LRP1B: variants seen among roughly 807,000 people sequenced by gnomAD.
LRP1B encodes the protein low-density lipoprotein receptor-related protein 1B.
A neutral mutation model predicts 556.6 loss-of-function variants in LRP1B; 217 were observed. That is an observed-to-expected ratio of 0.39 (90% CI 0.35 to 0.44). The LOEUF (loss-of-function observed/expected upper bound fraction) is 0.44. LRP1B is among the 20% of genes least tolerant of loss of function. The pLI is 1.00. For missense variants in LRP1B, 5,053 were observed against 5,620.8 expected (o/e 0.90, Z 3.23); for synonymous variants, 2,047 against 1,865.8 (o/e 1.10, Z -2.50).
At chr2:140,800,069 TA>T (rs1391648490) in intron 32 of LRP1B, among the ~76,000 whole-genome samples, 2 of 152,186 alleles carry the variant, frequency 1.3e-5, no homozygotes, top group Admixed American at 1.3e-4. Flanking sequence ...TATATTGCCA[TA>T]AAAAAGGATG....
chr2:140,691,739 C>T (rs1017870509), intron 41 of LRP1B, among the ~76,000 whole-genome samples: 16 of 151,992 alleles, frequency 1.1e-4, no homozygotes, highest in Non-Finnish European at 2.4e-4. Context: ...CAATTAAATT[C>T]CAAACATGCA....
intron 83 of LRP1B, 108 bp downstream of exon 83, chr2:140,314,827 A>C: frequency 2.8e-6 from 2 of 720,250 alleles, no homozygotes; most frequent in Non-Finnish European, 4.4e-6. Context: ...GTGTTAGTCT[A>C]TTGTTCATTA....
At chr2:141,012,900 A>G (rs969406293) in intron 14 of LRP1B, among the ~76,000 whole-genome samples, 1 of 151,930 alleles carries the variant, frequency 6.6e-6, no homozygotes, top group African/African-American at 2.4e-5. Context: ...TAGACTCATA[A>G]AAAACCTACC....
At chr2:141,984,241 C>T (rs1043836199) in intron 1 of LRP1B, among the ~76,000 whole-genome samples, 1 of 151,782 alleles carries the variant, frequency 6.6e-6, no homozygotes, top group African/African-American at 2.4e-5. Flanking sequence ...CATGTGCCAT[C>T]TTGGTATGCT....
In LRP1B at chr2:140,715,996, A is replaced by G; in HGVS notation, c.6000T>C (p.Ser2000=). 6.2e-7 allele frequency: 1 copy of G among 1,608,652 alleles called. No homozygotes were observed. Among genetic ancestry groups the G allele is most frequent in the Non-Finnish European group, 8.5e-7 (1 of 1,176,762 alleles). The part of the protein sequence containing the change: ...IISQGLDQPR[S]IAVHPEKGLL... ...ACCCTTTCTCTGGGTGCACAGCTATAGATCTTGGTTGATCCAGGCCTTGGG... is the reference window on the plus strand; with the variant it reads ...ACCCTTTCTCTGGGTGCACAGCTATGGATCTTGGTTGATCCAGGCCTTGGG... The change falls in exon 37 of 91, where the codon TCT becomes TCC. Residue 2000 remains serine, a synonymous_variant. Transcript: ENST00000389484.
chr2:141,278,200 T>A (rs1685374606), intron 3 of LRP1B, among the ~76,000 whole-genome samples: 2 of 152,178 alleles, frequency 1.3e-5, no homozygotes, highest in African/African-American at 4.8e-5. Context: ...GTATTAATGC[T>A]TCAGGAGAAA....
At chr2:141,222,346 T>C (rs1683080622) in intron 6 of LRP1B, among the ~76,000 whole-genome samples, 1 of 152,140 alleles carries the variant, frequency 6.6e-6, no homozygotes, top group South Asian at 2.1e-4. Flanking sequence ...AGAAAGAAGT[T>C]GAATCCCTGA....
At chr2:140,423,363 A>G (rs577311465) in intron 66 of LRP1B, among the ~76,000 whole-genome samples, 1 of 152,290 alleles carries the variant, frequency 6.6e-6, no homozygotes, top group Admixed American at 6.5e-5. Context: ...AAAGAAAAGG[A>G]AAGCTTTTTT....
At chr2:141,731,845 C>A (rs1189316251) in intron 2 of LRP1B, among the ~76,000 whole-genome samples, 1 of 151,980 alleles carries the variant, frequency 6.6e-6, no homozygotes, top group Non-Finnish European at 1.5e-5. Flanking sequence ...TGGTGTCTGC[C>A]CACACTACTG....
chr2:141,515,755 A>C (rs1042579449), intron 2 of LRP1B, among the ~76,000 whole-genome samples: 4 of 152,168 alleles, frequency 2.6e-5, no homozygotes, highest in African/African-American at 9.7e-5. Flanking sequence ...ATACACAACT[A>C]GTTTGACATT....
intron 1 of LRP1B, among the ~76,000 whole-genome samples, chr2:142,086,731 T>A (rs963713143): frequency 6.6e-6 from 1 of 152,170 alleles, no homozygotes; most frequent in African/African-American, 2.4e-5. Context: ...TTTATATTTT[T>A]AAAAAAGTAT....
chr2:140,736,195 C>T (rs141332855), intron 35 of LRP1B, among the ~76,000 whole-genome samples: 1 of 152,046 alleles, frequency 6.6e-6, no homozygotes, highest in African/African-American at 2.4e-5. Context: ...GAAAGGAAAA[C>T]CCACCGAAGT....
intron 3 of LRP1B, among the ~76,000 whole-genome samples, chr2:141,285,097 C>CA (rs1309416227): frequency 6.8e-6 from 1 of 146,696 alleles, no homozygotes; most frequent in East Asian, 2.0e-4. Flanking sequence ...ACCCATATTT[C>CA]ATTTTTTTTT....
At position 141,815,932 on chromosome 2, in the gene LRP1B, G is replaced by A. The variant is rs188537181; in HGVS notation, c.83-5531C>T. 1.1e-4 allele frequency among the ~76,000 whole-genome samples: 17 copies of A among 152,318 alleles called. No individual in the cohort carries two copies. The East Asian group carries it at 3.1e-3, about 28-fold the overall frequency. On this transcript the variant is annotated intron_variant, in intron 1 of 90. Coordinates refer to ENST00000389484, the MANE Select transcript of LRP1B (RefSeq NM_018557.3). ...TCTGGACACAGTAGAACAGTAAAGG[G>A]TGGTAAAGGTTTAGAATGATTGCTG...
chr2:141,065,444 T>TA, intron 7 of LRP1B, among the ~76,000 whole-genome samples: 1 of 152,118 alleles, frequency 6.6e-6, no homozygotes, highest in Middle Eastern at 3.4e-3. Flanking sequence ...TAATTGAACA[T>TA]GATACATTGT....
intron 3 of LRP1B, among the ~76,000 whole-genome samples, chr2:141,363,269 T>C (rs917633457): frequency 1.3e-5 from 2 of 152,220 alleles, no homozygotes; most frequent in African/African-American, 4.8e-5. Flanking sequence ...GATTATATTA[T>C]CTTGAATGGA....
In LRP1B at chr2:140,854,796, C is replaced by A. The variant is rs1219860168; in HGVS notation, c.4580-3013G>T. Among the ~76,000 whole-genome samples the A allele has an allele frequency of 2.0e-5, 3 of 152,066 alleles. No individual in the cohort carries two copies. In the East Asian group the frequency reaches 5.8e-4, roughly 29 times the overall value. ...GGCCCACAAAGCCTTATAATATGTA[C>A]CTATTATAATTAGATAGTAAGTAGC... On this transcript the variant is annotated intron_variant, in intron 27 of 90. Transcript: ENST00000389484.
At chr2:140,563,879 T>C (rs1024140506) in intron 43 of LRP1B, among the ~76,000 whole-genome samples, 1 of 152,194 alleles carries the variant, frequency 6.6e-6, no homozygotes, top group Non-Finnish European at 1.5e-5. Context: ...ATGAATGGAT[T>C]GAAGTAGATG....
intron 3 of LRP1B, among the ~76,000 whole-genome samples, chr2:141,401,432 G>T (rs1447990250): frequency 1.3e-5 from 2 of 152,024 alleles, no homozygotes; most frequent in Non-Finnish European, 2.9e-5. Flanking sequence ...TCTTTTACTG[G>T]GTTTCTTATA....
Sources: allele counts gnomAD v4.1 joint callset (sites outside exome capture counted in the v4.1 genomes callset), GRCh38; gene constraint gnomAD v4.1.1; transcripts MANE v1.5; gene names NCBI Gene and HGNC (gene_info 2026-07-23, HGNC 2026-07-21).